SGCZ: variants seen among roughly 807,000 people sequenced by gnomAD.
SGCZ encodes the protein sarcoglycan zeta.
In SGCZ, 40 loss-of-function variants were observed where a neutral mutation model predicts 41.3. The observed-to-expected ratio is 0.97, with a 90% CI of 0.75 to 1.26. The LOEUF is 1.26. Among genes scored for constraint, SGCZ ranks in the 50% most tolerant of loss-of-function variants. SGCZ has a pLI of 0.00. For missense variants in SGCZ, 552 were observed against 369.8 expected, an observed-to-expected ratio of 1.49 and a Z score of -4.04; for synonymous variants, 206 against 137.5, an observed-to-expected ratio of 1.50 and a Z score of -3.49.
chr8:14,453,614 T>C (rs1427559102), intron 2 of SGCZ, among the ~76,000 whole-genome samples: 2 of 152,160 alleles, frequency 1.3e-5, no homozygotes, highest in Non-Finnish European at 2.9e-5. Context: ...GAAGAAAGAA[T>C]CTTAGGAGGG....
chr8:14,246,970 G>A (rs1482906240), intron 3 of SGCZ, among the ~76,000 whole-genome samples: 1 of 150,132 alleles, frequency 6.7e-6, no homozygotes, highest in Non-Finnish European at 1.5e-5. Context: ...CCTTCAGAAT[G>A]CAAATCATCT....
chr8:14,445,971 A>C (rs924189258), intron 2 of SGCZ, among the ~76,000 whole-genome samples: 2 of 152,140 alleles, frequency 1.3e-5, no homozygotes, highest in Admixed American at 6.5e-5. Flanking sequence ...CAGATCCCAC[A>C]CACATTTGCT....
chr8:14,997,250 T>C (rs1462184688), intron 1 of SGCZ, among the ~76,000 whole-genome samples: 2 of 152,242 alleles, frequency 1.3e-5, no homozygotes, highest in Admixed American at 1.3e-4. Context: ...TTTAAAATTA[T>C]TAGGATTGTA....
At chr8:14,988,096 G>C (rs1801886099) in intron 1 of SGCZ, among the ~76,000 whole-genome samples, 2 of 152,120 alleles carry the variant, frequency 1.3e-5, no homozygotes, top group Middle Eastern at 3.4e-3. Context: ...TTTTCCAGGA[G>C]TGAAATGGTG....
intron 3 of SGCZ, among the ~76,000 whole-genome samples, chr8:14,317,653 C>T (rs1222958026): frequency 6.6e-6 from 1 of 151,824 alleles, no homozygotes; most frequent in Non-Finnish European, 1.5e-5. Context: ...AGAAATGTTT[C>T]TGAACAACAC....
Position 14,755,182 on chromosome 8 carries a change from T to A in SGCZ, c.40-200256A>T, listed in dbSNP as rs144527975. ...AGTCTTGACCACTTTAAAAAAATCT[T>A]TCTTTGGATGGATTCAGTATAATAG... On this transcript the variant is annotated intron_variant, in intron 1 of 7. Coordinates refer to ENST00000382080, the MANE Select transcript of SGCZ (RefSeq NM_139167.4). Among the ~76,000 whole-genome samples, 57 of 152,330 alleles carry A rather than the reference T, an allele frequency of 3.7e-4. No individual in the cohort carries two copies. The East Asian group carries it at 8.9e-3, about 24-fold the overall frequency.
At chr8:15,030,933 T>C (rs1195149728) in intron 1 of SGCZ, among the ~76,000 whole-genome samples, 2 of 152,138 alleles carry the variant, frequency 1.3e-5, no homozygotes, top group African/African-American at 4.8e-5. Flanking sequence ...ACTGACACCA[T>C]GATGCAGGAG....
chr8:14,639,954 TA>T (rs1806968531), intron 1 of SGCZ, among the ~76,000 whole-genome samples: 1 of 151,694 alleles, frequency 6.6e-6, no homozygotes, highest in Non-Finnish European at 1.5e-5. Flanking sequence ...AGACAGTAGT[TA>T]CTTAGAGCAG....
intron 1 of SGCZ, among the ~76,000 whole-genome samples, chr8:14,577,341 C>T (rs1033812701): frequency 2.7e-5 from 4 of 148,296 alleles, no homozygotes; most frequent in African/African-American, 9.9e-5. Context: ...ATGAAGCCAA[C>T]ATTTAATAAT....
At chr8:14,658,003 TA>T (rs1207071183) in intron 1 of SGCZ, among the ~76,000 whole-genome samples, 1 of 152,040 alleles carries the variant, frequency 6.6e-6, no homozygotes, top group Non-Finnish European at 1.5e-5. Flanking sequence ...TAATCTAATT[TA>T]AAAAAAGGAA....
intron 1 of SGCZ, among the ~76,000 whole-genome samples, chr8:15,071,566 G>C (rs1462971449): frequency 1.3e-5 from 2 of 152,172 alleles, no homozygotes; most frequent in South Asian, 4.1e-4. Context: ...ACCCTAGTCT[G>C]AAAGGACTAT....
chr8:14,875,052 C>T (rs367705695), intron 1 of SGCZ, among the ~76,000 whole-genome samples: 2 of 152,106 alleles, frequency 1.3e-5, no homozygotes, highest in Non-Finnish European at 1.5e-5. Flanking sequence ...ATTGCTATAA[C>T]AAATGGAGAC....
intron 1 of SGCZ, among the ~76,000 whole-genome samples, chr8:15,048,073 T>C (rs1338518584): frequency 1.3e-5 from 2 of 151,984 alleles, no homozygotes; most frequent in Non-Finnish European, 2.9e-5. Context: ...AGCCAAGATA[T>C]GGAGTCAATC....
chr8:14,797,587 T>C (rs1801176914), intron 1 of SGCZ, among the ~76,000 whole-genome samples: 2 of 152,294 alleles, frequency 1.3e-5, no homozygotes, highest in South Asian at 4.1e-4. Flanking sequence ...AAAACTATTT[T>C]CTGGGAGAGA....
chr8:14,257,738 T>C (rs886985281), intron 3 of SGCZ, among the ~76,000 whole-genome samples: 1 of 151,750 alleles, frequency 6.6e-6, no homozygotes, highest in Non-Finnish European at 1.5e-5. Context: ...TGGTGTTTGG[T>C]TTTTTGTCCT....
intron 1 of SGCZ, among the ~76,000 whole-genome samples, chr8:15,218,349 A>G (rs1801485274): frequency 6.6e-6 from 1 of 152,208 alleles, no homozygotes; most frequent in South Asian, 2.1e-4. Flanking sequence ...GCAAAAAAGT[A>G]GTTAAACTTG....
At chr8:14,101,189 G>T (rs1415875744) in intron 7 of SGCZ, among the ~76,000 whole-genome samples, 2 of 152,036 alleles carry the variant, frequency 1.3e-5, no homozygotes, top group South Asian at 2.1e-4. Flanking sequence ...CTCAATGTAT[G>T]GATAAAATAT....
intron 1 of SGCZ, among the ~76,000 whole-genome samples, chr8:15,064,630 A>G (rs1425669536): frequency 3.3e-5 from 5 of 151,868 alleles, no homozygotes; most frequent in African/African-American, 1.2e-4. Flanking sequence ...CCACATTCAG[A>G]CAATCAAGAT....
chr8:14,453,892 C>T (rs1800667927), intron 2 of SGCZ, among the ~76,000 whole-genome samples: 1 of 152,098 alleles, frequency 6.6e-6, no homozygotes, highest in Non-Finnish European at 1.5e-5. Context: ...AAATTATTTT[C>T]TCTTGATTTG....
Sources: allele counts gnomAD v4.1 joint callset (sites outside exome capture counted in the v4.1 genomes callset), GRCh38; gene constraint gnomAD v4.1.1; transcripts MANE v1.5; gene names NCBI Gene and HGNC (gene_info 2026-07-23, HGNC 2026-07-21).